The following CARD8 variants were observed in gnomAD, a reference collection of about 807,000 sequenced individuals.
CARD8 encodes caspase recruitment domain family member 8.
A neutral mutation model predicts 53.2 loss-of-function variants in CARD8; 38 were observed. That is an observed-to-expected ratio of 0.71 (90% confidence interval 0.55 to 0.94). The LOEUF (loss-of-function observed/expected upper bound fraction) is 0.94, where lower values mean the gene tolerates loss of function less well. Among genes scored for constraint, CARD8 ranks in the 40% least tolerant of loss-of-function variants. The pLI, the probability that CARD8 is intolerant of heterozygous loss-of-function variation, is 0.00. For synonymous variants in CARD8, 245 were observed against 244.9 expected (o/e 1.00, Z 0.00); for missense variants, 561 against 655.5 (o/e 0.86, Z 1.57).
intron 5 of CARD8, among the ~76,000 whole-genome samples, chr19:48,235,674 G>A (rs1273260809): frequency 1.3e-5 from 2 of 152,064 alleles, no homozygotes; most frequent in Non-Finnish European, 2.9e-5. Context: ...ATGAGCCACC[G>A]CACCCAGCCT....
At chr19:48,203,823 C>A, downstream of CARD8, 1 of 210,814 alleles carries the variant, frequency 4.7e-6, no homozygotes, top group Non-Finnish European at 1.0e-5. Context: ...AAGATCCCAG[C>A]TTCCTTAACC....
At chr19:48,223,392 A>G (rs1173630439) in intron 10 of CARD8, among the ~76,000 whole-genome samples, 1 of 152,182 alleles carries the variant, frequency 6.6e-6, no homozygotes, top group East Asian at 1.9e-4. Context: ...GGCCTGGGAA[A>G]TCAAATAAAA....
At chr19:48,238,781 T>C (rs35679981) in intron 4 of CARD8, among the ~76,000 whole-genome samples, 6,013 of 152,076 alleles carry the variant, frequency 0.04, 385 homozygotes, top group African/African-American at 0.13. Flanking sequence ...TTAGAGATAC[T>C]ATCCTTAGAG....
rs1317066720 is a variant in CARD8, at chr19:48,232,510, C to T, written c.351-17G>A. Reference sequence around the variant, plus strand: ...TCTGATACACTGGAGGTTGGGATCCCCATGTTACAAAAAGATGAAAAACAT... The same window carrying T: ...TCTGATACACTGGAGGTTGGGATCCTCATGTTACAAAAAGATGAAAAACAT... On this transcript the variant is annotated splice_polypyrimidine_tract_variant and intron_variant, in intron 6 of 13. Transcript: ENST00000651546. 6.5e-7 allele frequency: 1 copy of T among 1,534,216 alleles called. No homozygotes were observed. The highest frequency in any genetic ancestry group is 8.7e-7 in the Non-Finnish European group (1 of 1,145,304).
intron 10 of CARD8, chr19:48,223,932 T>C (rs1414348248): frequency 4.4e-6 from 2 of 452,528 alleles, no homozygotes; most frequent in South Asian, 1.6e-5. Context: ...CCTGGAACAG[T>C]ACTGTTGAAT....
intron 3 of CARD8, among the ~76,000 whole-genome samples, chr19:48,242,072 T>C (rs987206289): frequency 6.6e-6 from 1 of 152,164 alleles, no homozygotes; most frequent in Admixed American, 6.5e-5. Flanking sequence ...GGACATTTGA[T>C]TTAATAGGAG....
intron 3 of CARD8, among the ~76,000 whole-genome samples, chr19:48,244,217 T>C (rs2045720362): frequency 6.6e-6 from 1 of 152,158 alleles, no homozygotes; most frequent in South Asian, 2.1e-4. Flanking sequence ...TGTAAAATTC[T>C]ACCTGGTACT....
Position 48,232,490 on chromosome 19 carries a change from T to C in CARD8, c.354A>G (p.Val118=), listed in dbSNP as rs1245720209. Residue 118 remains valine (V), a synonymous_variant, in exon 7 of 14, where the codon GTA becomes GTG. Coordinates refer to ENST00000651546, the MANE Select transcript of CARD8 (RefSeq NM_001184900.3). ...CCTCTGAAGATTCCTGCTCTTCTGA[T>C]ACACTGGAGGTTGGGATCCCCATGT... ...CQLSGGDIPS[V]SEEQESSEGQ... is the part of the protein sequence containing the mutation. 13 of 1,535,886 alleles carry C rather than the reference T, an allele frequency of 8.5e-6. No individual in the cohort carries two copies. Among genetic ancestry groups the C allele is most frequent in the African/African-American group, 5.5e-5 (4 of 73,166 alleles).
At chr19:48,253,182 G>A (rs1271360449) in intron 1 of CARD8, among the ~76,000 whole-genome samples, 2 of 152,162 alleles carry the variant, frequency 1.3e-5, no homozygotes, top group Non-Finnish European at 2.9e-5. Context: ...AGAGAATGTG[G>A]TGTGTGAGAG....
chr19:48,222,349 T>G (rs185646698), intron 10 of CARD8, among the ~76,000 whole-genome samples: 1 of 152,022 alleles, frequency 6.6e-6, no homozygotes, highest in Non-Finnish European at 1.5e-5. Flanking sequence ...GCAGAAACAG[T>G]CACCTCTGCG....
intron 11 of CARD8, among the ~76,000 whole-genome samples, chr19:48,221,187 G>C (rs2040562696): frequency 1.3e-5 from 2 of 152,262 alleles, no homozygotes; most frequent in South Asian, 4.1e-4. Flanking sequence ...AAGACTTCTT[G>C]CCAGGGCACT....
intron 11 of CARD8, among the ~76,000 whole-genome samples, chr19:48,220,993 G>A (rs5018499): frequency 0.15 from 15,866 of 106,204 alleles, 1,053 homozygotes; most frequent in East Asian, 0.21. Flanking sequence ...AAGGAAGGAA[G>A]GAAAGAAAGA....
intron 3 of CARD8, among the ~76,000 whole-genome samples, chr19:48,247,140 A>G (rs2046254127): frequency 6.6e-6 from 1 of 152,284 alleles, no homozygotes; most frequent in South Asian, 2.1e-4. Context: ...CCTGGCCAAC[A>G]AGGTGAAACC....
At chr19:48,229,228 C>G (rs1449882496) in intron 10 of CARD8, among the ~76,000 whole-genome samples, 3 of 152,070 alleles carry the variant, frequency 2.0e-5, no homozygotes, top group Admixed American at 1.3e-4. Flanking sequence ...CAGAAACAGG[C>G]TCACAGAGCT....
At position 48,238,580 on chromosome 19, in the gene CARD8, C is replaced by T. The variant is rs748794231; in HGVS notation, c.60-48G>A. On this transcript the variant is annotated intron_variant, in intron 4 of 13. Coordinates refer to ENST00000651546, the MANE Select transcript of CARD8 (RefSeq NM_001184900.3). ...GGAATGTGAGCATGTCAGAGGAGCT[C>T]GATGGTGGGACAATCTCCTCACTGT... The T allele has an allele frequency of 8.6e-6, 13 of 1,514,002 alleles. No homozygotes were observed. In the South Asian group the frequency reaches 1.1e-4, roughly 13 times the overall value. 93.8% of individuals were successfully genotyped at this position (1,514,002 alleles called of 1,614,324 possible). A position where few individuals can be genotyped will look rare whatever the true frequency, so the allele number is the denominator to read the frequency against.
chr19:48,220,956 AG>A (rs1379800840), intron 11 of CARD8, among the ~76,000 whole-genome samples: 1,100 of 67,614 alleles, frequency 0.016, 22 homozygotes, highest in African/African-American at 0.061. Context: ...AGGAAAGGAA[AG>A]GAAGGAAGGA....
intron 3 of CARD8, among the ~76,000 whole-genome samples, chr19:48,248,104 A>G (rs2046404870): frequency 6.6e-6 from 1 of 152,216 alleles, no homozygotes; most frequent in Non-Finnish European, 1.5e-5. Context: ...ATCTGTATTC[A>G]TCTTCACAAG....
Position 48,230,513 on chromosome 19 carries a change from C to T in CARD8, c.960G>A (p.Leu320=). ...CTTCGGGGTGGGGGTGATAATAGAT[C>T]AATGTGTTGGAAGTGATGGGGATGG... The part of the protein sequence containing the change: ...RLSIPITSNT[L]IYYHPHPEDI... Residue 320 remains leucine (L), a synonymous_variant, in exon 10 of 14, where the codon TTG becomes TTA. Transcript: ENST00000651546. 6.2e-7 allele frequency: 1 copy of T among 1,614,066 alleles called. No homozygotes were observed. The highest frequency in any genetic ancestry group is 8.5e-7 in the Non-Finnish European group (1 of 1,179,992).
chr19:48,204,194 C>G, downstream of CARD8: 1 of 455,850 alleles, frequency 2.2e-6, no homozygotes, highest in South Asian at 1.5e-5. Context: ...GGTTACGAGC[C>G]GCTCAGCGCG....
Sources: allele counts gnomAD v4.1 joint callset (sites outside exome capture counted in the v4.1 genomes callset), GRCh38; gene constraint gnomAD v4.1.1; transcripts MANE v1.5; gene names NCBI Gene and HGNC (gene_info 2026-07-23, HGNC 2026-07-21).